The following BTBD9 variants were observed in gnomAD, a reference collection of about 807,000 sequenced individuals.
The protein encoded by BTBD9 is BTB domain containing 9, also known as BTB/POZ domain-containing protein 9.
Under a neutral mutation model 64.3 loss-of-function variants are expected in BTBD9, and 49 were observed. That is an observed-to-expected ratio of 0.76 (90% confidence interval 0.61 to 0.97). The LOEUF is 0.97. Ranked by LOEUF, BTBD9 falls within the 50% of genes least tolerant of loss-of-function variation. The pLI, the probability that BTBD9 is intolerant of heterozygous loss-of-function variation, is 0.00. For missense variants in BTBD9, 598 were observed against 762.1 expected, an observed-to-expected ratio of 0.78 and a Z score of 2.53; for synonymous variants, 260 against 274.7, an observed-to-expected ratio of 0.95 and a Z score of 0.53.
At chr6:38,606,015 G>A (rs574951455) in intron 1 of BTBD9, among the ~76,000 whole-genome samples, 1 of 152,188 alleles carries the variant, frequency 6.6e-6, no homozygotes, top group South Asian at 2.1e-4. Context: ...CCGACTTGCT[G>A]AGTCTTCTGG....
chr6:38,632,410 G>C lies in BTBD9; in HGVS notation c.-28+7390C>G, dbSNP rs562787426. Among the ~76,000 whole-genome samples the C allele has an allele frequency of 5.9e-5, 9 of 152,262 alleles. No homozygotes were observed. In the South Asian group the frequency reaches 1.7e-3, roughly 28 times the overall value. On this transcript the variant is annotated intron_variant, in intron 1 of 10. Coordinates refer to ENST00000481247, the MANE Select transcript of BTBD9 (RefSeq NM_001099272.2). ...AACTACACTGAACCATAAATAGAAT[G>C]TATTAATTTTGTAAATAGGTTTAAA...
intron 7 of BTBD9, among the ~76,000 whole-genome samples, chr6:38,308,062 T>C (rs946983407): frequency 6.6e-6 from 1 of 152,196 alleles, no homozygotes; most frequent in African/African-American, 2.4e-5. Context: ...AACTGTATGG[T>C]TTACTCTCTT....
intron 6 of BTBD9, among the ~76,000 whole-genome samples, chr6:38,405,335 G>A (rs1767116479): frequency 6.6e-6 from 1 of 152,150 alleles, no homozygotes; most frequent in Non-Finnish European, 1.5e-5. Context: ...GACAGTCATT[G>A]TAGGGCTCCT....
chr6:38,434,350 T>A (rs1768605380), intron 6 of BTBD9, among the ~76,000 whole-genome samples: 1 of 151,996 alleles, frequency 6.6e-6, no homozygotes, highest in South Asian at 2.1e-4. Flanking sequence ...GTCTCCACAA[T>A]CTTTTATCTT....
At chr6:38,537,242 C>G (rs1774061298) in intron 6 of BTBD9, among the ~76,000 whole-genome samples, 1 of 152,140 alleles carries the variant, frequency 6.6e-6, no homozygotes, top group Admixed American at 6.6e-5. Flanking sequence ...CTCCAAAAAA[C>G]AGAGTTAAAC....
intron 6 of BTBD9, among the ~76,000 whole-genome samples, chr6:38,529,693 T>A (rs919953266): frequency 6.6e-6 from 1 of 152,340 alleles, no homozygotes; most frequent in Non-Finnish European, 1.5e-5. Flanking sequence ...TAATAACTTT[T>A]GTAATTTCTT....
intron 6 of BTBD9, among the ~76,000 whole-genome samples, chr6:38,490,577 C>A (rs1378019850): frequency 6.6e-6 from 1 of 152,178 alleles, no homozygotes; most frequent in Non-Finnish European, 1.5e-5. Context: ...GCCTCAGCCT[C>A]CCAAAGTGCT....
At chr6:38,254,034 T>C (rs1257283979) in intron 9 of BTBD9, among the ~76,000 whole-genome samples, 1 of 148,898 alleles carries the variant, frequency 6.7e-6, no homozygotes, top group Non-Finnish European at 1.5e-5. Flanking sequence ...TTCATCTCAG[T>C]GGCATGTGAG....
intron 5 of BTBD9, among the ~76,000 whole-genome samples, chr6:38,578,426 C>T (rs1161775174): frequency 3.3e-5 from 5 of 152,196 alleles, no homozygotes; most frequent in African/African-American, 1.2e-4. Context: ...CTGAACAAAT[C>T]TATATTCCCC....
At chr6:38,626,069 G>C (rs1465538233) in intron 1 of BTBD9, among the ~76,000 whole-genome samples, 1 of 152,170 alleles carries the variant, frequency 6.6e-6, no homozygotes, top group Non-Finnish European at 1.5e-5. Flanking sequence ...CAATTTGTTG[G>C]ACTGAGCCCA....
intron 6 of BTBD9, among the ~76,000 whole-genome samples, chr6:38,457,152 A>G (rs1179834298): frequency 6.6e-6 from 1 of 152,192 alleles, no homozygotes; most frequent in African/African-American, 2.4e-5. Context: ...GAGATAGGAG[A>G]TGAGGACAAA....
chr6:38,215,566 T>C (rs531756042), intron 9 of BTBD9, among the ~76,000 whole-genome samples: 1 of 152,348 alleles, frequency 6.6e-6, no homozygotes, highest in Non-Finnish European at 1.5e-5. Flanking sequence ...AATAGAGCTG[T>C]TGGTAATCAC....
chr6:38,276,945 A>C (rs2127548037), intron 8 of BTBD9, among the ~76,000 whole-genome samples: 1 of 152,340 alleles, frequency 6.6e-6, no homozygotes, highest in African/African-American at 2.4e-5. Flanking sequence ...TGTATACAAG[A>C]AGAGCCAACT....
intron 6 of BTBD9, among the ~76,000 whole-genome samples, chr6:38,438,244 G>GAGGAAGGAAGGA (rs1157163251): frequency 1.7e-5 from 1 of 57,550 alleles, no homozygotes; most frequent in Non-Finnish European, 3.1e-5. Flanking sequence ...GGGAGGGAGG[G>GAGGAAGGAAGGA]AGGGAGGAAG....
intron 9 of BTBD9, among the ~76,000 whole-genome samples, chr6:38,200,310 A>T (rs1266799460): frequency 2.0e-5 from 3 of 152,260 alleles, no homozygotes; most frequent in African/African-American, 7.2e-5. Flanking sequence ...CCCTATATAC[A>T]AAAGTAGAAA....
chr6:38,337,069 A>C (rs1181326168), intron 7 of BTBD9, among the ~76,000 whole-genome samples: 2 of 152,332 alleles, frequency 1.3e-5, no homozygotes, highest in South Asian at 4.1e-4. Flanking sequence ...GTTCAGACTC[A>C]CTAGTGCCAC....
At chr6:38,489,951 T>C (rs750166823) in intron 6 of BTBD9, among the ~76,000 whole-genome samples, 18 of 152,222 alleles carry the variant, frequency 1.2e-4, no homozygotes, top group Admixed American at 6.5e-4. Context: ...TTTAATTTGT[T>C]GTTGTTTTAA....
At chr6:38,374,296 T>TACATATATATATAC (rs1491482634) in intron 6 of BTBD9, among the ~76,000 whole-genome samples, 1 of 70,662 alleles carries the variant, frequency 1.4e-5, no homozygotes, top group Non-Finnish European at 2.4e-5. Context: ...TATATATATA[T>TACATATATATATAC]GTATATATAT....
chr6:38,303,319 G>C lies in BTBD9; in HGVS notation c.1265-14858C>G, dbSNP rs543965384. Among the ~76,000 whole-genome samples, 230 of 151,968 alleles carry C rather than the reference G, an allele frequency of 1.5e-3. 1 individual carries two copies. The highest frequency in any genetic ancestry group is 2.6e-3 in the Non-Finnish European group (175 of 67,926). The stretch of plus-strand genomic sequence containing the variant: ...TTCATTTTGAGTTTATTTTTGTATA[G>C]GTAACATTCTATTTCTTAGGCTGCG... On this transcript the variant is annotated intron_variant, in intron 7 of 10. Transcript: ENST00000481247.
Sources: gnomAD v4.1 joint callset for allele counts (sites outside exome capture counted in the v4.1 genomes callset) on GRCh38, gnomAD v4.1.1 for gene constraint, MANE v1.5 for transcripts, NCBI Gene and HGNC (gene_info 2026-07-23, HGNC 2026-07-21) for gene names.